CYS1: variants seen among roughly 807,000 people sequenced by gnomAD.
CYS1 encodes the protein cystin-1.
In CYS1, 5 loss-of-function variants were observed where a neutral mutation model predicts 9.6. That is an observed-to-expected ratio of 0.52 (90% confidence interval 0.27 to 1.10). The LOEUF is 1.10. CYS1 is among the 50% of genes least tolerant of loss of function. CYS1 has a pLI of 0.11. For synonymous variants in CYS1, 88 were observed against 95.7 expected, an observed-to-expected ratio of 0.92 and a Z score of 0.47; for missense variants, 221 against 207.9, an observed-to-expected ratio of 1.06 and a Z score of -0.39.
intron 1 of CYS1, among the ~76,000 whole-genome samples, chr2:10,075,941 C>T (rs1193652413): frequency 2.0e-5 from 3 of 152,198 alleles, no homozygotes; most frequent in African/African-American, 7.2e-5. Flanking sequence ...AATCCCAGCA[C>T]TTTGGGAGGC....
intron 2 of CYS1, among the ~76,000 whole-genome samples, chr2:10,065,137 C>T (rs568871160): frequency 3.5e-4 from 53 of 152,298 alleles, no homozygotes; most frequent in African/African-American, 1.2e-3. Flanking sequence ...GCCTCAGACC[C>T]GGCCCCTGCA....
Position 10,080,023 on chromosome 2 carries a change from C to A in CYS1, c.201G>T (p.Arg67Ser). 9.3e-7 allele frequency: 1 copy of A among 1,072,080 alleles called. No homozygotes were observed. Among genetic ancestry groups the A allele is most frequent in the Non-Finnish European group, 1.1e-6 (1 of 886,816 alleles). 66.4% of individuals were successfully genotyped at this position (1,072,080 alleles called of 1,614,324 possible). ...DPSPVAPPDG[R>S]DETLRLLDEL... The stretch of plus-strand genomic sequence containing the variant: ...CGTCCAGCAGGCGCAGCGTCTCGTC[C>A]CTGCCGTCGGGGGGCGCCACGGGGC... Residue 67 changes from arginine to serine, a missense_variant, in exon 1 of 3, where the codon AGG becomes AGT. Arg to Ser is a moderately radical substitution (Grantham distance 110, BLOSUM62 -1). Transcript: ENST00000381813. This position sits in a 1 kb window ranked among gnomAD's most constrained non-coding sequence, Gnocchi z 6.4.
At chr2:10,079,692 G>A (rs1010955978) in intron 1 of CYS1, among the ~76,000 whole-genome samples, 3 of 151,892 alleles carry the variant, frequency 2.0e-5, no homozygotes, top group African/African-American at 7.2e-5. Context: ...CTCCCAGCGC[G>A]ATCGCCCCCA....
intron 1 of CYS1, among the ~76,000 whole-genome samples, chr2:10,077,263 C>T (rs1285669535): frequency 6.6e-6 from 1 of 152,168 alleles, no homozygotes; most frequent in Admixed American, 6.5e-5. Context: ...CTCACTCCCC[C>T]TTTCTTCACT....
intron 2 of CYS1, among the ~76,000 whole-genome samples, chr2:10,061,747 C>T (rs897039920): frequency 6.6e-6 from 1 of 152,204 alleles, no homozygotes; most frequent in South Asian, 2.1e-4. Context: ...TCAGGCTCCA[C>T]TGGGCTCCAC....
rs574337939 is a variant in CYS1 at position 10,070,414 on chromosome 2, C to T, written c.319-4458G>A. Among the ~76,000 whole-genome samples the T allele has an allele frequency of 2.7e-5, 4 of 150,804 alleles. No homozygotes were observed. The East Asian group carries it at 5.9e-4, about 22-fold the overall frequency. The stretch of plus-strand genomic sequence containing the variant: ...AGGCTGGAGTGCAGTGGCGTGATCT[C>T]GGCTCACTGCAACCTCTGCCTCCAG... On this transcript the variant is annotated intron_variant, in intron 1 of 2. Transcript: ENST00000381813.
chr2:10,065,752 T>C (rs952153176), intron 2 of CYS1, 152 bp downstream of exon 2: 1 of 731,282 alleles, frequency 1.4e-6, no homozygotes, highest in East Asian at 2.7e-5. Context: ...GACCTTCCCT[T>C]GAGGGCTAGG....
chr2:10,059,253 G>A (rs1461134991), intron 2 of CYS1, among the ~76,000 whole-genome samples: 1 of 152,276 alleles, frequency 6.6e-6, no homozygotes, highest in Non-Finnish European at 1.5e-5. Context: ...CAGCTCTGCG[G>A]CTCACCCGCG....
In CYS1 at chr2:10,080,188, C is replaced by T; in HGVS notation, c.36G>A (p.Leu12=). 9.3e-7 allele frequency: 1 copy of T among 1,069,610 alleles called. No homozygotes were observed. The highest frequency in any genetic ancestry group is 1.1e-6 in the Non-Finnish European group (1 of 886,276). 66.3% of individuals were successfully genotyped at this position (1,069,610 alleles called of 1,614,324 possible). ...GGCTCTCGGGGCTGCGCCGCCGCCT[C>T]AGAGTCCGGCTGCTCCGGCTGCTGC... ...GSGSSRSSRT[L]RRRRSPESLP... The change falls in exon 1 of 3, where the codon CTG becomes CTA. Residue 12 remains leucine (L), a synonymous_variant. Transcript: ENST00000381813. The surrounding 1 kb of genome is among the most constrained non-coding windows in gnomAD (Gnocchi z 6.4).
intron 1 of CYS1, among the ~76,000 whole-genome samples, chr2:10,075,245 C>T (rs1162200585): frequency 6.6e-6 from 1 of 152,240 alleles, no homozygotes; most frequent in Non-Finnish European, 1.5e-5. Context: ...GACACCAGAT[C>T]CACTGGAAGA....
chr2:10,079,689 C>G (rs1012871157), intron 1 of CYS1, among the ~76,000 whole-genome samples: 2 of 151,894 alleles, frequency 1.3e-5, no homozygotes, highest in Non-Finnish European at 2.9e-5. Context: ...CCGCTCCCAG[C>G]GCGATCGCCC....
chr2:10,068,360 G>T (rs937026269), intron 1 of CYS1, among the ~76,000 whole-genome samples: 1 of 152,150 alleles, frequency 6.6e-6, no homozygotes, highest in Non-Finnish European at 1.5e-5. Context: ...TCTTTGGGGA[G>T]TTGATTATTT....
At chr2:10,069,739 A>C (rs1661740709) in intron 1 of CYS1, among the ~76,000 whole-genome samples, 1 of 152,238 alleles carries the variant, frequency 6.6e-6, no homozygotes, top group South Asian at 2.1e-4. Flanking sequence ...ATGGAATGCA[A>C]GGCAGAGGAA....
At position 10,058,917 on chromosome 2, in the gene CYS1, G is replaced by C; in HGVS notation, c.413C>G (p.Ala138Gly). The change falls in exon 3 of 3, where the codon GCC becomes GGC. Residue 138 changes from alanine to glycine, a missense_variant. Ala to Gly is a moderately conservative substitution (Grantham distance 60). Coordinates refer to ENST00000381813, the MANE Select transcript of CYS1 (RefSeq NM_001037160.3). ...CTCTTCCGAGTGGTCGTAGGAGATG[G>C]CTGCCGGCCTCTCGGGCTTCTTGCG... ...SGRKKPERPA[A>G]ISYDHSEEGL... 1.3e-6 allele frequency: 2 copies of C among 1,595,404 alleles called. No homozygotes were observed. The highest frequency in any genetic ancestry group is 1.7e-6 in the Non-Finnish European group (2 of 1,171,506).
chr2:10,079,522 C>G (rs1023794353), intron 1 of CYS1, among the ~76,000 whole-genome samples: 3 of 152,156 alleles, frequency 2.0e-5, no homozygotes, highest in Non-Finnish European at 4.4e-5. Flanking sequence ...GGATCTGGAC[C>G]GGTGGGCGCG....
At chr2:10,073,677 T>G (rs1400492691) in intron 1 of CYS1, among the ~76,000 whole-genome samples, 1 of 152,246 alleles carries the variant, frequency 6.6e-6, no homozygotes, top group Admixed American at 6.5e-5. Flanking sequence ...ACCACTGCTC[T>G]GACCCTCCTT....
chr2:10,061,054 A>T (rs1464177779), intron 2 of CYS1, among the ~76,000 whole-genome samples: 4 of 152,146 alleles, frequency 2.6e-5, no homozygotes, highest in Admixed American at 1.3e-4. Flanking sequence ...CAACATGGTG[A>T]AACCCCATCT....
chr2:10,073,430 GC>G (rs1196088022), intron 1 of CYS1, among the ~76,000 whole-genome samples: 1 of 152,168 alleles, frequency 6.6e-6, no homozygotes, highest in Non-Finnish European at 1.5e-5. Flanking sequence ...TCCTTGCTGG[GC>G]CCCAAAGTCC....
chr2:10,074,851 C>A (rs938629628), intron 1 of CYS1, among the ~76,000 whole-genome samples: 1 of 152,172 alleles, frequency 6.6e-6, no homozygotes, highest in African/African-American at 2.4e-5. Flanking sequence ...GTCGCTCATG[C>A]CTATAATCCC....
Sources: gnomAD v4.1 joint callset for allele counts (sites outside exome capture counted in the v4.1 genomes callset) on GRCh38, gnomAD v4.1.1 for gene constraint, Gnocchi (gnomAD v3.1) non-coding constraint, MANE v1.5 for transcripts, NCBI Gene and HGNC (gene_info 2026-07-23, HGNC 2026-07-21) for gene names.